The following ZMYM6 variants were observed in gnomAD, a reference collection of about 807,000 sequenced individuals.
ZMYM6 encodes the protein zinc finger MYM-type protein 6.
In ZMYM6, 90 loss-of-function variants were observed where a neutral mutation model predicts 134.0. The observed-to-expected ratio is 0.67, with a 90% CI of 0.57 to 0.80. The LOEUF (loss-of-function observed/expected upper bound fraction) is 0.80, where lower values mean the gene tolerates loss of function less well. Among genes scored for constraint, ZMYM6 ranks in the 30% least tolerant of loss-of-function variants. The pLI, the probability that ZMYM6 is intolerant of heterozygous loss-of-function variation, is 0.00. For missense variants in ZMYM6, 1,362 were observed against 1,533.9 expected (o/e 0.89, Z 1.87); for synonymous variants, 481 against 524.1 (o/e 0.92, Z 1.12).
chr1:35,021,086 T>C (rs7526321), intron 2 of ZMYM6, among the ~76,000 whole-genome samples: 35,426 of 150,830 alleles, frequency 0.23, 10,200 homozygotes, highest in African/African-American at 0.68. Context: ...TTAGGTAGTG[T>C]GTTTAAAAGG....
At position 35,016,184 on chromosome 1, in the gene ZMYM6, C is replaced by T. The variant is rs541077503; in HGVS notation, c.429-1022G>A. On this transcript the variant is annotated intron_variant, in intron 4 of 15. Coordinates refer to ENST00000357182, the MANE Select transcript of ZMYM6 (RefSeq NM_007167.4). ...CACGCTGGTCTCAAATTCCTGACCT[C>T]GCGATCCGCCTGCGTCAGCCTCCCA... is the stretch of plus-strand genomic sequence containing the variant. Among the ~76,000 whole-genome samples the T allele has an allele frequency of 1.5e-3, 223 of 152,178 alleles. 1 individual carries two copies. The highest frequency in any genetic ancestry group is 4.8e-3 in the African/African-American group (198 of 41,522).
chr1:35,013,177 T>C, intron 6 of ZMYM6: 1 of 744,656 alleles, frequency 1.3e-6, no homozygotes, highest in East Asian at 1.3e-4. Flanking sequence ...GGCCCCAGGC[T>C]AAGAAATTTA....
chr1:35,004,189 C>G (rs150648310), intron 13 of ZMYM6, among the ~76,000 whole-genome samples, 184 bp from the exon 14 acceptor site: 9 of 152,270 alleles, frequency 5.9e-5, no homozygotes, highest in African/African-American at 1.9e-4. Context: ...GATTCCAGGG[C>G]CCCAATCCCA....
At position 35,000,235 on chromosome 1, in the gene ZMYM6, AT is replaced by A. The variant is rs964171760; in HGVS notation, c.1992+3732del. ...TGAGCCACCACACTTCGCCCCAGAG[AT>A]TTTTTTTTTCTTTTTTTTTGTTTTT... On this transcript the variant is annotated intron_variant, in intron 14 of 15. Coordinates refer to ENST00000357182, the MANE Select transcript of ZMYM6 (RefSeq NM_007167.4). Among the ~76,000 whole-genome samples, 86 of 133,750 alleles carry A rather than the reference AT, an allele frequency of 6.4e-4. 1 individual carries two copies. The highest frequency in any genetic ancestry group is 2.4e-3 in the African/African-American group (67 of 27,656). The allele number at this position is 133,750 out of a possible 152,430, so 87.7% of individuals were successfully genotyped here.
chr1:34,997,604 C>T (rs1445010730), intron 14 of ZMYM6, among the ~76,000 whole-genome samples: 1 of 152,074 alleles, frequency 6.6e-6, no homozygotes, highest in African/African-American at 2.4e-5. Context: ...CGCACCTGGC[C>T]CATAGAAGCT....
intron 6 of ZMYM6, chr1:35,013,399 T>TA: frequency 1.0e-6 from 1 of 983,648 alleles, no homozygotes. Context: ...TAGGAAAATA[T>TA]AAATTGTGAG....
intron 14 of ZMYM6, among the ~76,000 whole-genome samples, chr1:34,996,977 A>G (rs1246347462): frequency 6.6e-6 from 1 of 152,236 alleles, no homozygotes; most frequent in African/African-American, 2.4e-5. Context: ...GCTATGATTA[A>G]AATCCTTGTA....
In ZMYM6 at chr1:34,992,347, T is replaced by C. The variant is rs1219585083; in HGVS notation, c.2033A>G (p.Gln678Arg). ...TAAAAGCCTGGAAGGCTGGGAAGATTGGGAAGATGGAAATTTCATAGCATC... is the reference window on the plus strand; with the variant it reads ...TAAAAGCCTGGAAGGCTGGGAAGATCGGGAAGATGGAAATTTCATAGCATC... The part of the protein sequence containing the change: ...QEDAMKFPSS[Q>R]SSQPSRLLKN... The change falls in exon 15 of 16, where the codon CAA (glutamine) becomes CGA (arginine). Residue 678 changes from glutamine to arginine, a missense_variant. Gln to Arg is a conservative substitution (Grantham distance 43, BLOSUM62 1). Transcript: ENST00000357182. 2.5e-6 allele frequency: 4 copies of C among 1,614,072 alleles called. No individual in the cohort carries two copies. The highest frequency in any genetic ancestry group is 2.2e-5 in the South Asian group (2 of 91,086).
chr1:35,014,608 A>C, intron 6 of ZMYM6, 89 bp downstream of exon 6: 1 of 1,255,028 alleles, frequency 8.0e-7, no homozygotes, highest in Non-Finnish European at 1.1e-6. Context: ...GACTAATGGG[A>C]GGAGCTCACT....
intron 2 of ZMYM6, among the ~76,000 whole-genome samples, chr1:35,025,400 G>C (rs1377448072): frequency 6.7e-6 from 1 of 148,818 alleles, no homozygotes; most frequent in Non-Finnish European, 1.5e-5. Flanking sequence ...CCAGGAGGTG[G>C]AGGTTGCAGT....
At chr1:35,006,013 C>T (rs1640959514) in intron 12 of ZMYM6, among the ~76,000 whole-genome samples, 1 of 151,956 alleles carries the variant, frequency 6.6e-6, no homozygotes, top group East Asian at 1.9e-4. Context: ...TAGCAAGTGG[C>T]TTTTTTTTCT....
intron 14 of ZMYM6, among the ~76,000 whole-genome samples, chr1:35,000,109 A>AT (rs539935117): frequency 2.6e-4 from 39 of 151,522 alleles, no homozygotes; most frequent in African/African-American, 8.0e-4. Context: ...ATTTTTTGGT[A>AT]TTTTTTTATA....
At chr1:35,004,899 A>C (rs980064163) in intron 13 of ZMYM6, among the ~76,000 whole-genome samples, 2 of 151,998 alleles carry the variant, frequency 1.3e-5, no homozygotes, top group Non-Finnish European at 2.9e-5. Flanking sequence ...CTCTACTAAA[A>C]ATATCAAAAT....
intron 11 of ZMYM6, among the ~76,000 whole-genome samples, chr1:35,007,334 T>C (rs905646617): frequency 6.6e-6 from 1 of 152,194 alleles, no homozygotes; most frequent in African/African-American, 2.4e-5. Flanking sequence ...ATCACGCCTG[T>C]AATCCCAGCA....
chr1:35,020,744 T>C (rs1192201458), intron 2 of ZMYM6, among the ~76,000 whole-genome samples: 4 of 151,952 alleles, frequency 2.6e-5, no homozygotes, highest in Non-Finnish European at 5.9e-5. Flanking sequence ...AACTATTTTT[T>C]GTATTTTTAG....
intron 2 of ZMYM6, among the ~76,000 whole-genome samples, chr1:35,025,525 G>T (rs1641398099): frequency 7.0e-6 from 1 of 142,354 alleles, no homozygotes; most frequent in South Asian, 2.3e-4. Flanking sequence ...GCAGCAGAAA[G>T]CATACAAGTT....
rs372430082 is a variant in ZMYM6, at chr1:34,992,357, G to C, written c.2023C>G (p.Pro675Ala). The change falls in exon 15 of 16, where the codon CCA (proline) becomes GCA (alanine). Residue 675 changes from proline to alanine, a missense_variant. By Grantham distance (27) the Pro-to-Ala change is conservative. This residue lies in a region of ZMYM6 where 824 missense variants were observed against 940.9 expected (regional missense o/e 0.88). Transcript: ENST00000357182. ...GAAGGCTGGGAAGATTGGGAAGATGGAAATTTCATAGCATCTTCCTGTGTA... is the reference window on the plus strand; with the variant it reads ...GAAGGCTGGGAAGATTGGGAAGATGCAAATTTCATAGCATCTTCCTGTGTA... ...ESTQEDAMKF[P>A]SSQSSQPSRL... 6 of 1,613,834 alleles carry C rather than the reference G, an allele frequency of 3.7e-6. No individual in the cohort carries two copies. The highest frequency in any genetic ancestry group is 1.7e-5 in the Admixed American group (1 of 59,974).
chr1:35,021,321 T>C (rs930165956), intron 2 of ZMYM6, among the ~76,000 whole-genome samples: 3 of 151,992 alleles, frequency 2.0e-5, no homozygotes, highest in South Asian at 2.1e-4. Flanking sequence ...TTGTGTTTTT[T>C]TCCAGTAGAG....
chr1:35,029,093 G>A (rs1641469840), intron 2 of ZMYM6, among the ~76,000 whole-genome samples: 2 of 152,238 alleles, frequency 1.3e-5, no homozygotes, highest in South Asian at 4.1e-4. Flanking sequence ...TGGGGAGGCT[G>A]AGGCAGGAGA....
Sources: gnomAD v4.1 joint callset for allele counts (sites outside exome capture counted in the v4.1 genomes callset) on GRCh38, gnomAD v4.1.1 for gene constraint, gnomAD v4.1.1 regional missense constraint, MANE v1.5 for transcripts, NCBI Gene and HGNC (gene_info 2026-07-23, HGNC 2026-07-21) for gene names.